The following PPM1L variants were observed in gnomAD, a reference collection of about 807,000 sequenced individuals.
PPM1L encodes the protein protein phosphatase, Mg2+/Mn2+ dependent 1L.
Under a neutral mutation model 31.4 loss-of-function variants are expected in PPM1L, and 13 were observed. The ratio of observed to expected loss-of-function variants is 0.41; its 90% confidence interval spans 0.27 to 0.66. PPM1L has a LOEUF of 0.66. PPM1L is among the 30% of genes least tolerant of loss of function. PPM1L has a pLI of 0.29. For missense variants in PPM1L, 326 were observed against 453.7 expected (o/e 0.72, Z 2.56); for synonymous variants, 184 against 175.4 (o/e 1.05, Z -0.39).
intron 1 of PPM1L, among the ~76,000 whole-genome samples, chr3:160,849,374 T>A (rs1714187529): frequency 6.6e-6 from 1 of 152,162 alleles, no homozygotes; most frequent in Non-Finnish European, 1.5e-5. Context: ...GACTCTGGCA[T>A]GGCCAGGAGA....
At chr3:160,971,786 C>T (rs1716350286) in intron 2 of PPM1L, among the ~76,000 whole-genome samples, 1 of 152,044 alleles carries the variant, frequency 6.6e-6, no homozygotes, top group Non-Finnish European at 1.5e-5. Flanking sequence ...TTTATTGAGA[C>T]AGGGTCTCAC....
chr3:160,871,836 A>T (rs554041892), intron 1 of PPM1L, among the ~76,000 whole-genome samples: 2 of 151,682 alleles, frequency 1.3e-5, no homozygotes, highest in African/African-American at 4.8e-5. Context: ...TTTCCTTACT[A>T]AAGTATTCCT....
intron 1 of PPM1L, among the ~76,000 whole-genome samples, chr3:160,909,020 C>T (rs1209599685): frequency 2.0e-5 from 3 of 152,160 alleles, no homozygotes; most frequent in Admixed American, 2.0e-4. Context: ...GAAGGGTGTT[C>T]AGAAACATGG....
At chr3:160,944,179 C>A (rs759222535) in intron 1 of PPM1L, among the ~76,000 whole-genome samples, 1 of 151,946 alleles carries the variant, frequency 6.6e-6, no homozygotes, top group Non-Finnish European at 1.5e-5. Context: ...AAGGTTGGAG[C>A]AGCTGTGGAT....
chr3:160,969,367 T>G (rs1296776894), intron 2 of PPM1L, among the ~76,000 whole-genome samples: 1 of 152,194 alleles, frequency 6.6e-6, no homozygotes, highest in East Asian at 1.9e-4. Context: ...TGCCTGAAAG[T>G]TACATCTACA....
chr3:160,896,575 G>A (rs756044590), intron 1 of PPM1L, among the ~76,000 whole-genome samples: 37 of 152,176 alleles, frequency 2.4e-4, no homozygotes, highest in South Asian at 8.3e-4. Context: ...GGCAAAAAGA[G>A]TCTTCCTACC....
intron 1 of PPM1L, among the ~76,000 whole-genome samples, chr3:160,876,302 G>A (rs1274687365): frequency 6.6e-6 from 1 of 152,128 alleles, no homozygotes; most frequent in African/African-American, 2.4e-5. Context: ...GACCATTCTG[G>A]CTTTGTGTGT....
chr3:160,939,957 G>T (rs1376432454), intron 1 of PPM1L, among the ~76,000 whole-genome samples: 1 of 152,186 alleles, frequency 6.6e-6, no homozygotes, highest in Admixed American at 6.5e-5. Flanking sequence ...TTGTTGAATG[G>T]CTTTGACAAA....
chr3:160,764,810 T>C (rs1172259136), intron 1 of PPM1L, among the ~76,000 whole-genome samples: 2 of 152,188 alleles, frequency 1.3e-5, no homozygotes, highest in African/African-American at 4.8e-5. Flanking sequence ...TATTTTTTAG[T>C]GATAGAGCAA....
intron 2 of PPM1L, among the ~76,000 whole-genome samples, chr3:161,064,428 A>G (rs1274653986): frequency 6.6e-6 from 1 of 152,200 alleles, no homozygotes; most frequent in African/African-American, 2.4e-5. Context: ...AGAGCCATTT[A>G]GATACAGTTG....
At chr3:160,929,805 A>G (rs1714724675) in intron 1 of PPM1L, among the ~76,000 whole-genome samples, 1 of 152,128 alleles carries the variant, frequency 6.6e-6, no homozygotes, top group Non-Finnish European at 1.5e-5. Context: ...CACAGGGAGC[A>G]CTCATGATCC....
rs57015036 is a variant in PPM1L at position 160,945,039 on chromosome 3, CATAT to C, written c.400-16692_400-16689del. ...ATATATTATATATAACTATATATAA[CATAT>C]ATATTATATATAACTATATATAACA... On this transcript the variant is annotated intron_variant, in intron 1 of 3. Transcript: ENST00000498165. Among the ~76,000 whole-genome samples, 106 of 16,128 alleles carry C rather than the reference CATAT, an allele frequency of 6.6e-3. 17 individuals are homozygous for C. Among genetic ancestry groups the C allele is most frequent in the Admixed American group, 0.012 (12 of 1,040 alleles). 10.6% of individuals were successfully genotyped at this position (16,128 alleles called of 152,430 possible).
chr3:160,786,200 T>C (rs1313528064), intron 1 of PPM1L, among the ~76,000 whole-genome samples: 1 of 88,040 alleles, frequency 1.1e-5, no homozygotes, highest in Non-Finnish European at 2.0e-5. Context: ...TATATATATA[T>C]ATATATATTT....
At chr3:161,015,835 T>C (rs1237363695) in intron 2 of PPM1L, among the ~76,000 whole-genome samples, 1 of 152,202 alleles carries the variant, frequency 6.6e-6, no homozygotes, top group Non-Finnish European at 1.5e-5. Context: ...TTTGTATTTA[T>C]TAGAACAGAT....
intron 1 of PPM1L, among the ~76,000 whole-genome samples, chr3:160,944,702 T>G (rs552248676): frequency 2.4e-3 from 316 of 132,222 alleles, no homozygotes; most frequent in African/African-American, 8.2e-3. Context: ...AAAATTAATT[T>G]TATATATAAT....
chr3:161,032,866 A>ATTTTTTTT (rs61145165), intron 2 of PPM1L, among the ~76,000 whole-genome samples: 4 of 107,366 alleles, frequency 3.7e-5, no homozygotes, highest in Non-Finnish European at 3.8e-5. Context: ...CTAATTTTGT[A>ATTTTTTTT]TTTTTTTTTT....
At chr3:161,007,273 T>C (rs1050284495) in intron 2 of PPM1L, among the ~76,000 whole-genome samples, 28 of 152,328 alleles carry the variant, frequency 1.8e-4, no homozygotes, top group Middle Eastern at 6.8e-3. Context: ...TAGGTTACTA[T>C]TGTGCACAGT....
intron 1 of PPM1L, among the ~76,000 whole-genome samples, chr3:160,907,741 TG>T (rs2108059711): frequency 6.6e-6 from 1 of 152,256 alleles, no homozygotes; most frequent in African/African-American, 2.4e-5. Context: ...ACCCCAAGCA[TG>T]TAAGGGCAAG....
At chr3:160,970,807 T>TTTTTTTTC (rs1716310278) in intron 2 of PPM1L, among the ~76,000 whole-genome samples, 1 of 145,262 alleles carries the variant, frequency 6.9e-6, no homozygotes. Flanking sequence ...TTTTTTTTTT[T>TTTTTTTTC]TTGAGACGGA....
Sources: allele counts gnomAD v4.1 joint callset (sites outside exome capture counted in the v4.1 genomes callset), GRCh38; gene constraint gnomAD v4.1.1; transcripts MANE v1.5; gene names NCBI Gene and HGNC (gene_info 2026-07-23, HGNC 2026-07-21).